The following ZNF326 variants were observed in gnomAD, a reference collection of about 807,000 sequenced individuals.
The protein encoded by ZNF326 is zinc finger protein 326.
In ZNF326, 30 loss-of-function variants were observed where a neutral mutation model predicts 63.1. The ratio of observed to expected loss-of-function variants is 0.48; its 90% confidence interval spans 0.36 to 0.64. The LOEUF (loss-of-function observed/expected upper bound fraction) is 0.64. ZNF326 is among the 30% of genes least tolerant of loss of function. ZNF326 has a pLI of 0.00. For synonymous variants in ZNF326, 194 were observed against 228.2 expected (o/e 0.85, Z 1.35); for missense variants, 609 against 720.3 (o/e 0.85, Z 1.77).
rs188410994 is a variant in ZNF326 at position 90,032,951 on chromosome 1, G to C, written c.*5250G>C. The stretch of plus-strand genomic sequence containing the variant: ...CAAGGAGCTTTATTCCTCATACTTA[G>C]AAAACAAGCACACAAAGAAAAATCT... On this transcript the variant is annotated 3_prime_UTR_variant, in exon 12 of 12. Coordinates refer to ENST00000340281, the MANE Select transcript of ZNF326 (RefSeq NM_182976.4). 12 of 152,298 alleles carry C rather than the reference G, an allele frequency of 7.9e-5. No individual in the cohort carries two copies. Among genetic ancestry groups the C allele is most frequent in the African/African-American group, 2.9e-4 (12 of 41,564 alleles). 9.4% of individuals were successfully genotyped at this position (152,298 alleles called of 1,614,324 possible). A position where few individuals can be genotyped will look rare whatever the true frequency, so the allele number is the denominator to read the frequency against.
At chr1:89,997,901 C>A (rs1557513791) in intron 1 of ZNF326, among the ~76,000 whole-genome samples, 2 of 152,062 alleles carry the variant, frequency 1.3e-5, no homozygotes, top group Non-Finnish European at 1.5e-5. Context: ...GGATAATAAA[C>A]CTACCATTTG....
At chr1:89,995,562 C>T (rs1200512285) in intron 1 of ZNF326, among the ~76,000 whole-genome samples, 1 of 152,270 alleles carries the variant, frequency 6.6e-6, no homozygotes, top group Non-Finnish European at 1.5e-5. Context: ...GCCTTGGCCC[C>T]TGGTAGTGGA....
chr1:90,015,267 C>T (rs938542476), intron 7 of ZNF326, among the ~76,000 whole-genome samples: 1 of 152,146 alleles, frequency 6.6e-6, no homozygotes, highest in African/African-American at 2.4e-5. Flanking sequence ...AGGTTTATAT[C>T]TACCCTTAAG....
chr1:89,999,377 T>G (rs902175206), intron 2 of ZNF326, among the ~76,000 whole-genome samples: 2 of 151,882 alleles, frequency 1.3e-5, no homozygotes, highest in East Asian at 3.9e-4. Context: ...GGAGAGAGTT[T>G]GTAATGATAA....
chr1:90,031,980 T>G lies in ZNF326; in HGVS notation c.*4279T>G, dbSNP rs1236458091. 6.6e-6 allele frequency: 1 copy of G among 152,186 alleles called. No homozygotes were observed. Among genetic ancestry groups the G allele is most frequent in the African/African-American group, 2.4e-5 (1 of 41,440 alleles). 9.4% of individuals were successfully genotyped at this position (152,186 alleles called of 1,614,324 possible). ...TCATTTTATAAATAAACAATTGACT[T>G]TTTTTGGTAGTTATGGTCCCTACCC... On this transcript the variant is annotated 3_prime_UTR_variant, in exon 12 of 12. Coordinates refer to ENST00000340281, the MANE Select transcript of ZNF326 (RefSeq NM_182976.4).
rs768374630 is a variant in ZNF326, at chr1:90,010,221, G to A, written c.749G>A (p.Gly250Glu). Residue 250 changes from glycine (G) to glutamate (E), a missense_variant, in exon 6 of 12, where the codon GGA (glycine) becomes GAA (glutamate). Gly to Glu is a moderately conservative substitution (Grantham distance 98). Coordinates refer to ENST00000340281, the MANE Select transcript of ZNF326 (RefSeq NM_182976.4). ...ATGCAGCCATTTAATAAGCCCAGTG[G>A]AACCTTTATCAAGAAACCCAAACTA... ...KMMQPFNKPS[G>E]TFIKKPKLAK... is the part of the protein sequence containing the mutation. The A allele has an allele frequency of 1.0e-4, 167 of 1,613,736 alleles. No individual in the cohort carries two copies. The highest frequency in any genetic ancestry group is 1.3e-4 in the Non-Finnish European group (158 of 1,179,854).
Position 90,027,258 on chromosome 1 carries a change from C to T in ZNF326, c.1402-96C>T, listed in dbSNP as rs1488485620. On this transcript the variant is annotated intron_variant, in intron 11 of 11. Transcript: ENST00000340281. The stretch of plus-strand genomic sequence containing the variant: ...TTTACAATGAAAAGTTTCAAAATGG[C>T]ATTTATTTCTCATGATATGGCAAGT... 5 of 1,133,376 alleles carry T rather than the reference C, an allele frequency of 4.4e-6. No homozygotes were observed. In the East Asian group the frequency reaches 9.4e-5, roughly 21 times the overall value. 70.2% of individuals were successfully genotyped at this position (1,133,376 alleles called of 1,614,324 possible).
At chr1:89,999,164 T>A (rs912417772) in intron 2 of ZNF326, among the ~76,000 whole-genome samples, 2 of 152,154 alleles carry the variant, frequency 1.3e-5, no homozygotes, top group African/African-American at 4.8e-5. Context: ...AGTTTTGATA[T>A]AAAGATTTTA....
chr1:89,995,179 G>A lies in ZNF326; in HGVS notation c.-79G>A. 1 of 1,489,916 alleles carries A rather than the reference G, an allele frequency of 6.7e-7. No homozygotes were observed. The highest frequency in any genetic ancestry group is 9.0e-7 in the Non-Finnish European group (1 of 1,112,658). The allele number at this position is 1,489,916 out of a possible 1,614,324, so 92.3% of individuals were successfully genotyped here. On this transcript the variant is annotated 5_prime_UTR_variant, in exon 1 of 12. Transcript: ENST00000340281. The stretch of plus-strand genomic sequence containing the variant: ...CTCGGTCGCGCGGAGTGATCGTGTG[G>A]AATCGCGGGTCGCGGACGCTCGCCG...
chr1:90,030,464 A>AT lies in ZNF326; in HGVS notation c.*2764dup, dbSNP rs1479824921. The AT allele has an allele frequency of 6.6e-6, 1 of 150,674 alleles. No homozygotes were observed. The highest frequency in any genetic ancestry group is 1.5e-5 in the Non-Finnish European group (1 of 67,868). 9.3% of individuals were successfully genotyped at this position (150,674 alleles called of 1,614,324 possible). On this transcript the variant is annotated 3_prime_UTR_variant, in exon 12 of 12. Transcript: ENST00000340281. ...ATAATGGCCTTTTGTTACTTTTTTG[A>AT]TGAGTTCTTTCCTACAAAGACCTTT...
intron 6 of ZNF326, 120 bp downstream of exon 6, chr1:90,010,406 A>G: frequency 1.9e-6 from 2 of 1,045,898 alleles, no homozygotes; most frequent in Non-Finnish European, 2.7e-6. Context: ...TGATTGTAGA[A>G]GTTAGATCTG....
intron 7 of ZNF326, 38 bp downstream of exon 7, chr1:90,013,275 A>T: frequency 1.4e-6 from 2 of 1,434,330 alleles, no homozygotes; most frequent in Non-Finnish European, 1.9e-6. Context: ...TTCATTAAAA[A>T]ATGATTTCCT....
At chr1:90,014,470 AC>A (rs960785196) in intron 7 of ZNF326, among the ~76,000 whole-genome samples, 25 of 152,352 alleles carry the variant, frequency 1.6e-4, no homozygotes, top group African/African-American at 6.0e-4. Context: ...ATTTCATTAA[AC>A]TAAAAATTTA....
chr1:90,013,669 A>G (rs1649361136), intron 7 of ZNF326, among the ~76,000 whole-genome samples: 1 of 152,218 alleles, frequency 6.6e-6, no homozygotes, highest in African/African-American at 2.4e-5. Flanking sequence ...ATAATAGTTA[A>G]AAATATGTGG....
chr1:90,017,614 A>T (rs1649565458), intron 8 of ZNF326, 150 bp downstream of exon 8: 1 of 673,938 alleles, frequency 1.5e-6, no homozygotes, highest in Non-Finnish European at 2.4e-6. Flanking sequence ...ACTCAGAATT[A>T]CTTGTGAATT....
chr1:90,020,783 C>T lies in ZNF326; in HGVS notation c.1175-9C>T, dbSNP rs1557528081. 1 of 1,596,900 alleles carries T rather than the reference C, an allele frequency of 6.3e-7. No individual in the cohort carries two copies. The highest frequency in any genetic ancestry group is 1.3e-5 in the African/African-American group (1 of 74,132). On this transcript the variant is annotated splice_polypyrimidine_tract_variant and intron_variant, in intron 9 of 11. Coordinates refer to ENST00000340281, the MANE Select transcript of ZNF326 (RefSeq NM_182976.4). ...AATTATTTCTTTAATAATTGGATGT[C>T]TTTTGTAGGTGTTACTGTAGATGAT...
chr1:90,014,743 A>G (rs1450382972), intron 7 of ZNF326, among the ~76,000 whole-genome samples: 3 of 152,170 alleles, frequency 2.0e-5, no homozygotes, highest in African/African-American at 4.8e-5. Context: ...AACTACTGCT[A>G]TTTTTAGTCC....
rs1160302112 is a variant in ZNF326 at position 90,034,181 on chromosome 1, C to G, written c.*6480C>G. 1.3e-5 allele frequency: 2 copies of G among 152,130 alleles called. No individual in the cohort carries two copies. Among genetic ancestry groups the G allele is most frequent in the African/African-American group, 4.8e-5 (2 of 41,440 alleles). The allele number at this position is 152,130 out of a possible 1,614,324, so 9.4% of individuals were successfully genotyped here. On this transcript the variant is annotated 3_prime_UTR_variant, in exon 12 of 12. Coordinates refer to ENST00000340281, the MANE Select transcript of ZNF326 (RefSeq NM_182976.4). ...ACAACATACTGCTATTTTTGAAGTT[C>G]TGAGGGAGAACTGTTTTGAATTTAG...
intron 6 of ZNF326, among the ~76,000 whole-genome samples, chr1:90,010,502 T>C (rs891674076): frequency 3.3e-5 from 5 of 152,108 alleles, no homozygotes; most frequent in African/African-American, 1.2e-4. Context: ...TCCTTTTTCC[T>C]GAATCCTTGT....
Sources: allele counts gnomAD v4.1 joint callset (sites outside exome capture counted in the v4.1 genomes callset), GRCh38; gene constraint gnomAD v4.1.1; transcripts MANE v1.5; gene names NCBI Gene and HGNC (gene_info 2026-07-23, HGNC 2026-07-21).